The following SORBS2 variants were observed in gnomAD, a reference collection of about 807,000 sequenced individuals.
The protein encoded by SORBS2 is sorbin and SH3 domain containing 2.
Under a neutral mutation model 97.7 loss-of-function variants are expected in SORBS2, and 46 were observed. That is an observed-to-expected ratio of 0.47 (90% CI 0.37 to 0.60). The LOEUF is 0.60. Ranked by LOEUF, SORBS2 falls within the 20% of genes least tolerant of loss-of-function variation. The probability of loss-of-function intolerance (pLI) is 0.00; values close to 1 mark genes in which losing one functional copy is unlikely to be tolerated. For missense variants in SORBS2, 1,316 were observed against 1,282.3 expected (o/e 1.03, Z -0.40); for synonymous variants, 476 against 473.4 (o/e 1.01, Z -0.07).
At chr4:185,835,237 T>C (rs532570166) in intron 1 of SORBS2, among the ~76,000 whole-genome samples, 1 of 152,126 alleles carries the variant, frequency 6.6e-6, no homozygotes, top group African/African-American at 2.4e-5. Context: ...AAATTACCCA[T>C]CCTCAGGTAT....
chr4:185,714,558 G>T (rs577686423), intron 2 of SORBS2, among the ~76,000 whole-genome samples: 2 of 151,798 alleles, frequency 1.3e-5, no homozygotes, highest in Non-Finnish European at 2.9e-5. Context: ...ATCTGTTCTC[G>T]CACTGCTAAT....
intron 1 of SORBS2, among the ~76,000 whole-genome samples, chr4:185,783,360 C>T (rs1343448649): frequency 1.3e-5 from 2 of 152,220 alleles, no homozygotes; most frequent in Non-Finnish European, 2.9e-5. Context: ...GCAACGACTA[C>T]AGTGCTGCAG....
At chr4:185,685,605 C>G (rs60808487) in intron 2 of SORBS2, among the ~76,000 whole-genome samples, 125 of 152,282 alleles carry the variant, frequency 8.2e-4, no homozygotes, top group African/African-American at 2.9e-3. Flanking sequence ...CATCACAGCT[C>G]ATTGCCATCT....
At position 185,690,556 on chromosome 4, in the gene SORBS2, G is replaced by A. The variant is rs1460331732; in HGVS notation, c.-197-11734C>T. On this transcript the variant is annotated intron_variant, in intron 2 of 20. Transcript: ENST00000284776. ...TAAAAGAGTTTAAAACTAACAGACA[G>A]CATACCTGTGTTCATTTTCACCTTG... 1.3e-6 allele frequency: 2 copies of A among 1,522,466 alleles called. No homozygotes were observed. Among genetic ancestry groups the A allele is most frequent in the East Asian group, 4.9e-5 (2 of 40,516 alleles). The allele number at this position is 1,522,466 out of a possible 1,614,324, so 94.3% of individuals were successfully genotyped here.
At chr4:185,701,794 G>A (rs546045335) in intron 2 of SORBS2, among the ~76,000 whole-genome samples, 12 of 147,702 alleles carry the variant, frequency 8.1e-5, no homozygotes, top group South Asian at 2.1e-4. Flanking sequence ...TTTTTTAGAC[G>A]GAGTCTTGCT....
At chr4:185,739,290 T>C (rs1009105198) in intron 2 of SORBS2, among the ~76,000 whole-genome samples, 3 of 152,168 alleles carry the variant, frequency 2.0e-5, no homozygotes, top group Non-Finnish European at 2.9e-5. Flanking sequence ...AAACACAGGC[T>C]TGAAAAAGCA....
intron 1 of SORBS2, among the ~76,000 whole-genome samples, chr4:185,790,515 A>G (rs1205785383): frequency 1.3e-5 from 2 of 152,198 alleles, no homozygotes; most frequent in African/African-American, 4.8e-5. Flanking sequence ...TTCAGGGATC[A>G]TTACAAGGTA....
At chr4:185,744,760 T>G (rs2098749691) in intron 2 of SORBS2, among the ~76,000 whole-genome samples, 1 of 152,206 alleles carries the variant, frequency 6.6e-6, no homozygotes, top group Non-Finnish European at 1.5e-5. Flanking sequence ...ATAAGAAGCC[T>G]AATGGAATGA....
chr4:185,640,386 T>C (rs2097106783), intron 4 of SORBS2, among the ~76,000 whole-genome samples: 1 of 152,236 alleles, frequency 6.6e-6, no homozygotes, highest in Admixed American at 6.5e-5. Flanking sequence ...ACTGTTTGTT[T>C]TTTCTTTCTT....
rs2096602350 is a variant in SORBS2, at chr4:185,614,742, C to T, written c.2595+89G>A. 4.2e-6 allele frequency: 6 copies of T among 1,441,624 alleles called. 1 individual carries two copies. In the South Asian group the frequency reaches 8.0e-5, roughly 19 times the overall value. The allele number at this position is 1,441,624 out of a possible 1,614,324, so 89.3% of individuals were successfully genotyped here. ...AAAAATGTCTAAAGAAAAAGATAAC[C>T]TATTTTAGTTTTGAAAATATACAGC... On this transcript the variant is annotated intron_variant, in intron 11 of 14. Transcript: ENST00000418609.
At chr4:185,624,930 C>T (rs1428658262) in intron 6 of SORBS2, among the ~76,000 whole-genome samples, 1 of 152,144 alleles carries the variant, frequency 6.6e-6, no homozygotes, top group East Asian at 1.9e-4. Context: ...GAATTTGAGC[C>T]TCATTTGATT....
At chr4:185,951,636 C>T (rs995825893) in intron 1 of SORBS2, among the ~76,000 whole-genome samples, 1 of 152,192 alleles carries the variant, frequency 6.6e-6, no homozygotes, top group Non-Finnish European at 1.5e-5. Context: ...TCCCTGGTAT[C>T]AGCAGTACCA....
At chr4:185,950,784 T>C (rs778480197) in intron 1 of SORBS2, among the ~76,000 whole-genome samples, 2 of 152,194 alleles carry the variant, frequency 1.3e-5, no homozygotes, top group Non-Finnish European at 2.9e-5. Context: ...AGAGACACTT[T>C]GGAAATCGCA....
At chr4:185,807,439 C>A (rs902360867) in intron 1 of SORBS2, among the ~76,000 whole-genome samples, 7 of 152,142 alleles carry the variant, frequency 4.6e-5, no homozygotes, top group Non-Finnish European at 8.8e-5. Context: ...GAAGAGGAAA[C>A]CACTGCTTTT....
chr4:185,717,290 C>G (rs1449019751), intron 2 of SORBS2, among the ~76,000 whole-genome samples: 1 of 152,080 alleles, frequency 6.6e-6, no homozygotes, highest in Admixed American at 6.5e-5. Flanking sequence ...TGTCAAAATG[C>G]CAGAAGAAAA....
chr4:185,661,982 C>G (rs2097529326), intron 5 of SORBS2, 122 bp downstream of exon 8: 1 of 1,067,378 alleles, frequency 9.4e-7, no homozygotes, highest in African/African-American at 1.6e-5. Flanking sequence ...CAGTTTCTCC[C>G]TGGGGATAGG....
chr4:185,676,909 T>A, intron 4 of SORBS2: 1 of 1,028,256 alleles, frequency 9.7e-7, no homozygotes, highest in Non-Finnish European at 1.4e-6. Context: ...AAGAAAGCAT[T>A]AGGTCATATA....
intron 7 of SORBS2, among the ~76,000 whole-genome samples, chr4:185,622,478 T>A (rs2096733869): frequency 6.6e-6 from 1 of 152,250 alleles, no homozygotes; most frequent in African/African-American, 2.4e-5. Flanking sequence ...ATATAGTATC[T>A]TCTATATAGA....
At chr4:185,924,475 T>A (rs181028685) in intron 1 of SORBS2, among the ~76,000 whole-genome samples, 27 of 152,340 alleles carry the variant, frequency 1.8e-4, no homozygotes, top group African/African-American at 6.5e-4. Context: ...ACCGGCAAGC[T>A]TTGATATGCA....
Sources: gnomAD v4.1 joint callset for allele counts (sites outside exome capture counted in the v4.1 genomes callset) on GRCh38, gnomAD v4.1.1 for gene constraint, MANE v1.5 for transcripts, NCBI Gene and HGNC (gene_info 2026-07-23, HGNC 2026-07-21) for gene names.